KIAA1958: variants seen among roughly 807,000 people sequenced by gnomAD.
KIAA1958 encodes KIAA1958.
A neutral mutation model predicts 47.2 loss-of-function variants in KIAA1958; 14 were observed. That is an observed-to-expected ratio of 0.30 (90% CI 0.20 to 0.46). The LOEUF (loss-of-function observed/expected upper bound fraction) is 0.46, where lower values mean the gene tolerates loss of function less well. Among genes scored for constraint, KIAA1958 ranks in the 20% least tolerant of loss-of-function variants. The pLI, the probability that KIAA1958 is intolerant of heterozygous loss-of-function variation, is 1.00. For synonymous variants in KIAA1958, 354 were observed against 353.3 expected, an observed-to-expected ratio of 1.00 and a Z score of -0.02; for missense variants, 803 against 909.2, an observed-to-expected ratio of 0.88 and a Z score of 1.50.
intron 2 of KIAA1958, 69 bp downstream of exon 2, chr9:112,575,320 T>C (rs1835627683): frequency 9.3e-7 from 1 of 1,072,820 alleles, no homozygotes. Context: ...TCAGCACTTC[T>C]AAAACCATTC....
intron 2 of KIAA1958, among the ~76,000 whole-genome samples, chr9:112,593,098 CT>C (rs966132653): frequency 4.2e-4 from 64 of 151,990 alleles, no homozygotes; most frequent in African/African-American, 1.5e-3. Context: ...ATTCTATGTA[CT>C]TTTTTTTGGT....
chr9:112,613,864 T>C (rs540590472), intron 2 of KIAA1958, among the ~76,000 whole-genome samples: 2 of 152,348 alleles, frequency 1.3e-5, no homozygotes, highest in Admixed American at 6.5e-5. Context: ...TTTAGTATTA[T>C]GGCTGAATGC....
intron 1 of KIAA1958, among the ~76,000 whole-genome samples, chr9:112,534,660 C>T (rs1802834649): frequency 1.3e-5 from 2 of 151,990 alleles, no homozygotes; most frequent in South Asian, 4.1e-4. Flanking sequence ...TCTCCTGCCT[C>T]ACCCTCTTGA....
At chr9:112,563,706 CT>C (rs142311626) in intron 1 of KIAA1958, among the ~76,000 whole-genome samples, 3,241 of 151,842 alleles carry the variant, frequency 0.021, 127 homozygotes, top group African/African-American at 0.072. Flanking sequence ...ATTTTTCTGC[CT>C]TTTCTCCTCC....
In KIAA1958 at chr9:112,628,202, C is replaced by G; in HGVS notation, c.1172-17448C>G. ...TGTCAGTTCAATGGGCTTGTAATTA[C>G]AAGATTCTTTTAATAAAGGGGTAAT... On this transcript the variant is annotated intron_variant, in intron 2 of 3. Coordinates refer to ENST00000337530, the MANE Select transcript of KIAA1958 (RefSeq NM_133465.4). 2.0e-5 allele frequency among the ~76,000 whole-genome samples: 3 copies of G among 152,262 alleles called. No individual in the cohort carries two copies. The Middle Eastern group carries it at 0.01, about 518-fold the overall frequency.
At chr9:112,532,389 T>C (rs774014904) in intron 1 of KIAA1958, among the ~76,000 whole-genome samples, 1 of 152,266 alleles carries the variant, frequency 6.6e-6, no homozygotes, top group Non-Finnish European at 1.5e-5. Context: ...AAGGGACTTC[T>C]TTTTGTCCTT....
At chr9:112,553,650 T>C (rs561067347) in intron 1 of KIAA1958, among the ~76,000 whole-genome samples, 1 of 152,378 alleles carries the variant, frequency 6.6e-6, no homozygotes, top group Non-Finnish European at 1.5e-5. Flanking sequence ...TTACACTGTG[T>C]ACTGTTATCT....
At chr9:112,623,551 CATTG>C (rs1044339063) in intron 2 of KIAA1958, among the ~76,000 whole-genome samples, 3 of 152,126 alleles carry the variant, frequency 2.0e-5, no homozygotes, top group African/African-American at 7.2e-5. Flanking sequence ...TAATTCAACT[CATTG>C]ATTGAGATCA....
At chr9:112,490,524 ATG>A (rs1833950692) in intron 1 of KIAA1958, among the ~76,000 whole-genome samples, 1 of 152,220 alleles carries the variant, frequency 6.6e-6, no homozygotes. Flanking sequence ...TAGGTAACAA[ATG>A]CACTGCATAG....
chr9:112,603,911 G>C (rs902628094), intron 2 of KIAA1958, among the ~76,000 whole-genome samples: 1 of 152,100 alleles, frequency 6.6e-6, no homozygotes, highest in African/African-American at 2.4e-5. Context: ...ATCAGTCACT[G>C]GTATGTAAAG....
intron 1 of KIAA1958, among the ~76,000 whole-genome samples, chr9:112,566,070 A>G (rs1384287624): frequency 1.3e-5 from 2 of 151,750 alleles, no homozygotes; most frequent in African/African-American, 4.8e-5. Flanking sequence ...CGCCCAGCTA[A>G]TTTTTTGTAT....
At chr9:112,648,982 A>G (rs1837018283) in intron 3 of KIAA1958, among the ~76,000 whole-genome samples, 1 of 152,218 alleles carries the variant, frequency 6.6e-6, no homozygotes, top group South Asian at 2.1e-4. Context: ...GATAAGTTCA[A>G]AAATTTAAGT....
intron 1 of KIAA1958, among the ~76,000 whole-genome samples, chr9:112,560,187 TTTTTCTTTTTCTTTTTTTTTC>T (rs1471484011): frequency 2.3e-4 from 31 of 132,888 alleles, no homozygotes; most frequent in Non-Finnish European, 4.0e-4. Flanking sequence ...AGCTGCTTTT[TTTTTCTTTTTCTTTTTTTTTC>T]TTTTTTTGAA....
At chr9:112,552,444 T>C (rs193066964) in intron 1 of KIAA1958, among the ~76,000 whole-genome samples, 31 of 152,284 alleles carry the variant, frequency 2.0e-4, no homozygotes, top group Admixed American at 1.9e-3. Flanking sequence ...TAACTATAAA[T>C]AGAAAAGTAG....
intron 3 of KIAA1958, among the ~76,000 whole-genome samples, chr9:112,647,557 C>G (rs1836997360): frequency 6.6e-6 from 1 of 152,008 alleles, no homozygotes; most frequent in African/African-American, 2.4e-5. Flanking sequence ...GACACGAAGG[C>G]CTTTAGATAG....
intron 1 of KIAA1958, among the ~76,000 whole-genome samples, chr9:112,488,493 C>A (rs1833908602): frequency 6.6e-6 from 1 of 152,134 alleles, no homozygotes; most frequent in South Asian, 2.1e-4. Context: ...GTATCAATCT[C>A]AATCTACTGC....
At chr9:112,532,508 G>T (rs1432011769) in intron 1 of KIAA1958, among the ~76,000 whole-genome samples, 1 of 152,196 alleles carries the variant, frequency 6.6e-6, no homozygotes, top group Non-Finnish European at 1.5e-5. Flanking sequence ...GCATGCAAGA[G>T]AATAGGGACT....
At position 112,611,530 on chromosome 9, in the gene KIAA1958, T is replaced by TA. The variant is rs566361135; in HGVS notation, c.1172-34108dup. ...AAATTTAACAAAACTCTTTAAGATT[T>TA]AAAAAAAAAAAATTGGGGTGGGGAG... is the stretch of plus-strand genomic sequence containing the variant. On this transcript the variant is annotated intron_variant, in intron 2 of 3. Coordinates refer to ENST00000337530, the MANE Select transcript of KIAA1958 (RefSeq NM_133465.4). 9.2e-3 allele frequency among the ~76,000 whole-genome samples: 1,340 copies of TA among 145,344 alleles called. 14 individuals carry two copies. Among genetic ancestry groups the TA allele is most frequent in the African/African-American group, 0.025 (1,012 of 39,896 alleles).
At chr9:112,633,555 C>T (rs1160535479) in intron 2 of KIAA1958, among the ~76,000 whole-genome samples, 1 of 151,978 alleles carries the variant, frequency 6.6e-6, no homozygotes, top group Non-Finnish European at 1.5e-5. Context: ...TTTTATGACG[C>T]TAATATATTG....
Sources: gnomAD v4.1 joint callset for allele counts (sites outside exome capture counted in the v4.1 genomes callset) on GRCh38, gnomAD v4.1.1 for gene constraint, MANE v1.5 for transcripts, NCBI Gene and HGNC (gene_info 2026-07-23, HGNC 2026-07-21) for gene names.